The following DOP1B variants were observed in gnomAD, a reference collection of about 807,000 sequenced individuals.
DOP1B encodes the protein protein DOP1B.
Under a neutral mutation model 233.5 loss-of-function variants are expected in DOP1B, and 174 were observed. The ratio of observed to expected loss-of-function variants is 0.75; its 90% confidence interval spans 0.66 to 0.85. The LOEUF is 0.85. Among genes scored for constraint, DOP1B ranks in the 40% least tolerant of loss-of-function variants. The probability of loss-of-function intolerance (pLI) is 0.00; values close to 1 mark genes in which losing one functional copy is unlikely to be tolerated. For synonymous variants in DOP1B, 1,190 were observed against 1,185.6 expected, an observed-to-expected ratio of 1.00 and a Z score of -0.08; for missense variants, 2,652 against 2,846.6, an observed-to-expected ratio of 0.93 and a Z score of 1.56.
chr21:36,264,669 C>A (rs1280597431), intron 26 of DOP1B, among the ~76,000 whole-genome samples: 1 of 151,952 alleles, frequency 6.6e-6, no homozygotes, highest in Non-Finnish European at 1.5e-5. Context: ...GGCGGGCTTT[C>A]TCCATGTTGG....
chr21:36,223,438 A>G (rs543847894), intron 11 of DOP1B, 88 bp downstream of exon 11: 3 of 1,502,280 alleles, frequency 2.0e-6, no homozygotes, highest in Admixed American at 2.5e-5. Context: ...CAGATTATAT[A>G]TAAGTAGCTG....
intron 5 of DOP1B, 77 bp downstream of exon 5, chr21:36,208,981 T>C (rs2066462170): frequency 7.2e-7 from 1 of 1,381,002 alleles, no homozygotes; most frequent in Admixed American, 3.2e-5. Context: ...AGGTTGTCAC[T>C]GAAGCTGCAA....
At chr21:36,255,013 G>A (rs142710011) in intron 23 of DOP1B, among the ~76,000 whole-genome samples, 22 of 146,756 alleles carry the variant, frequency 1.5e-4, no homozygotes, top group African/African-American at 4.8e-4. Flanking sequence ...GCAGTGGTGC[G>A]ATCTCAGCTC....
intron 12 of DOP1B, among the ~76,000 whole-genome samples, chr21:36,227,459 A>G (rs1456685472): frequency 6.6e-6 from 1 of 151,450 alleles, no homozygotes; most frequent in Non-Finnish European, 1.5e-5. Flanking sequence ...AGGCAGGAGA[A>G]TGGCGTGAAC....
intron 2 of DOP1B, among the ~76,000 whole-genome samples, chr21:36,189,549 T>G (rs776063716): frequency 6.6e-6 from 1 of 151,840 alleles, no homozygotes; most frequent in Non-Finnish European, 1.5e-5. Flanking sequence ...CTGGCCAATA[T>G]GGTGAAACCC....
At chr21:36,214,295 T>A in intron 8 of DOP1B, 105 bp downstream of exon 8, 1 of 1,262,546 alleles carries the variant, frequency 7.9e-7, no homozygotes, top group Non-Finnish European at 1.1e-6. Flanking sequence ...CCTTGGCCCC[T>A]GGTTTGGGGA....
At chr21:36,230,053 G>A (rs1412595552) in intron 13 of DOP1B, among the ~76,000 whole-genome samples, 1 of 148,392 alleles carries the variant, frequency 6.7e-6, no homozygotes, top group Non-Finnish European at 1.5e-5. Flanking sequence ...TCGCTCTGTT[G>A]TCCAGAGAAT....
chr21:36,273,536 A>T (rs2067314962), intron 27 of DOP1B, among the ~76,000 whole-genome samples: 1 of 152,184 alleles, frequency 6.6e-6, no homozygotes, highest in African/African-American at 2.4e-5. Flanking sequence ...GGGCAGGGCC[A>T]CTGTGAGTGT....
rs751749863 is a variant in DOP1B at position 36,253,848 on chromosome 21, C to T, written c.5198C>T (p.Thr1733Met). 114 of 1,614,038 alleles carry T rather than the reference C, an allele frequency of 7.1e-5. No homozygotes were observed. The highest frequency in any genetic ancestry group is 3.8e-4 in the South Asian group (35 of 91,080). The change falls in exon 23 of 37, where the codon ACG becomes ATG. Residue 1733 changes from threonine to methionine, a missense_variant. Coordinates refer to ENST00000691173, the MANE Select transcript of DOP1B (RefSeq NM_001320714.2). ...VCALSTLQTD[T>M]LLHLVKEVVK... ...GCACTCAGCACCCTGCAGACTGACA[C>T]GCTGCTGCACCTGGTGAAGGAGGTG...
At position 36,230,127 on chromosome 21, in the gene DOP1B, C is replaced by T. The variant is rs77265486; in HGVS notation, c.1666-323C>T. 4.4e-3 allele frequency among the ~76,000 whole-genome samples: 677 copies of T among 152,204 alleles called. 9 individuals carry two copies. Among genetic ancestry groups the T allele is most frequent in the African/African-American group, 0.016 (648 of 41,526 alleles). ...CTGGGATTACAGGCTTGAGCCACCA[C>T]GCCTGGCAGAAACAATTCTTAAACA... is the stretch of plus-strand genomic sequence containing the variant. On this transcript the variant is annotated intron_variant, in intron 13 of 36. Coordinates refer to ENST00000691173, the MANE Select transcript of DOP1B (RefSeq NM_001320714.2).
At chr21:36,163,300 C>T (rs1189022380) in intron 1 of DOP1B, among the ~76,000 whole-genome samples, 4 of 149,124 alleles carry the variant, frequency 2.7e-5, no homozygotes, top group Admixed American at 6.7e-5. Context: ...GCCAAGATTG[C>T]GCCACCGCAC....
intron 23 of DOP1B, among the ~76,000 whole-genome samples, chr21:36,255,304 G>C (rs868447040): frequency 6.6e-6 from 1 of 151,122 alleles, no homozygotes; most frequent in Non-Finnish European, 1.5e-5. Flanking sequence ...GCTAATTTTT[G>C]TATTTTTTTT....
chr21:36,219,541 T>C, intron 10 of DOP1B, 49 bp downstream of exon 10: 1 of 1,588,570 alleles, frequency 6.3e-7, no homozygotes, highest in Non-Finnish European at 8.6e-7. Context: ...TCCCCGGTAC[T>C]GTGATTTTTT....
In DOP1B at chr21:36,184,831, C is replaced by T. The variant is rs142941259; in HGVS notation, c.139-14239C>T. ...TTGAGCCTGGAGCTCTGAACAGCCACTCTGCGCCCAATCTGCTGTAGCGCT... is the reference window on the plus strand; with the variant it reads ...TTGAGCCTGGAGCTCTGAACAGCCATTCTGCGCCCAATCTGCTGTAGCGCT... On this transcript the variant is annotated intron_variant, in intron 2 of 36. Transcript: ENST00000691173. Among the ~76,000 whole-genome samples the T allele has an allele frequency of 7.5e-3, 1,145 of 152,330 alleles. 11 individuals carry two copies. The highest frequency in any genetic ancestry group is 0.015 in the South Asian group (71 of 4,830).
At position 36,191,631 on chromosome 21, in the gene DOP1B, C is replaced by G. The variant is rs570117096; in HGVS notation, c.139-7439C>G. Among the ~76,000 whole-genome samples, 462 of 152,186 alleles carry G rather than the reference C, an allele frequency of 3.0e-3. 4 individuals are homozygous for G. The highest frequency in any genetic ancestry group is 4.0e-3 in the Admixed American group (61 of 15,276). On this transcript the variant is annotated intron_variant, in intron 2 of 36. Coordinates refer to ENST00000691173, the MANE Select transcript of DOP1B (RefSeq NM_001320714.2). ...TGAAACCTCGTCTCTACTAAAAATA[C>G]AAAAATTAGCCGGGCATGGTGGCAC...
In DOP1B at chr21:36,253,849, G is replaced by T; in HGVS notation, c.5199G>T (p.Thr1733=). 1 of 1,613,988 alleles carries T rather than the reference G, an allele frequency of 6.2e-7. No homozygotes were observed. ...CACTCAGCACCCTGCAGACTGACACGCTGCTGCACCTGGTGAAGGAGGTGG... is the reference window on the plus strand; with the variant it reads ...CACTCAGCACCCTGCAGACTGACACTCTGCTGCACCTGGTGAAGGAGGTGG... ...VCALSTLQTD[T]LLHLVKEVVK... is the part of the protein sequence containing the mutation. Residue 1733 remains threonine, a synonymous_variant, in exon 23 of 37, where the codon ACG becomes ACT. Coordinates refer to ENST00000691173, the MANE Select transcript of DOP1B (RefSeq NM_001320714.2).
In DOP1B at chr21:36,245,107, C is replaced by T; in HGVS notation, c.3127C>T (p.Pro1043Ser). ...CTCTTTCAGAGAGGCATGCGCAGTG[C>T]CCGAGCCTCAGGAGAGCGGCTCTGA... ...KTSFREACAV[P>S]EPQESGSEEH... The change falls in exon 19 of 37, where the codon CCC becomes TCC. Residue 1043 changes from proline (P) to serine (S), a missense_variant. By Grantham distance (74) the Pro-to-Ser change is moderately conservative. This residue lies in a region of DOP1B where 2,617 missense variants were observed against 2,794.3 expected (regional missense o/e 0.94). Coordinates refer to ENST00000691173, the MANE Select transcript of DOP1B (RefSeq NM_001320714.2). This position sits in a 1 kb window ranked among gnomAD's most constrained non-coding sequence, Gnocchi z 5.5. 2 of 1,613,112 alleles carry T rather than the reference C, an allele frequency of 1.2e-6. No individual in the cohort carries two copies. The highest frequency in any genetic ancestry group is 8.5e-7 in the Non-Finnish European group (1 of 1,179,296).
Position 36,281,558 on chromosome 21 carries a change from C to T in DOP1B, c.6107C>T (p.Ala2036Val). ...ATGCTGTTAAAGCGCCAGGCTTTTGCTGTCTTCAGTGGAGAACTTGATCAA... is the reference window on the plus strand; with the variant it reads ...ATGCTGTTAAAGCGCCAGGCTTTTGTTGTCTTCAGTGGAGAACTTGATCAA... ...KAMLLKRQAFAVFSGELDQYH... is the reference protein window; with the variant it reads ...KAMLLKRQAFVVFSGELDQYH... The change falls in exon 32 of 37, where the codon GCT becomes GTT. Residue 2036 changes from alanine to valine, a missense_variant. Physicochemically the swap from Ala to Val is moderately conservative, Grantham distance 64. Around this residue, in one of 3 missense-constraint regions of DOP1B, gnomAD observed 2,617 missense variants for 2,794.3 expected, o/e 0.94. Coordinates refer to ENST00000691173, the MANE Select transcript of DOP1B (RefSeq NM_001320714.2). 6.2e-7 allele frequency: 1 copy of T among 1,609,878 alleles called. No homozygotes were observed. Among genetic ancestry groups the T allele is most frequent in the Non-Finnish European group, 8.5e-7 (1 of 1,176,554 alleles).
chr21:36,162,055 A>G (rs1183259135), intron 1 of DOP1B, among the ~76,000 whole-genome samples: 1 of 152,218 alleles, frequency 6.6e-6, no homozygotes, highest in Non-Finnish European at 1.5e-5. Flanking sequence ...TATTTCTGTT[A>G]TAAGTGACAG....
Sources: gnomAD v4.1 joint callset for allele counts (sites outside exome capture counted in the v4.1 genomes callset) on GRCh38, gnomAD v4.1.1 for gene constraint, gnomAD v4.1.1 regional missense constraint, Gnocchi (gnomAD v3.1) non-coding constraint, MANE v1.5 for transcripts, NCBI Gene and HGNC (gene_info 2026-07-23, HGNC 2026-07-21) for gene names.